Variants in XPR1 observed in about 807,000 individuals in gnomAD.
The protein encoded by XPR1 is xenotropic and polytropic retrovirus receptor 1.
A neutral mutation model predicts 87.5 loss-of-function variants in XPR1; 28 were observed. That is an observed-to-expected ratio of 0.32 (90% CI 0.24 to 0.44). XPR1 has a LOEUF of 0.44. XPR1 is among the 20% of genes least tolerant of loss of function. The pLI, the probability that XPR1 is intolerant of heterozygous loss-of-function variation, is 1.00. For synonymous variants in XPR1, 300 were observed against 306.1 expected, an observed-to-expected ratio of 0.98 and a Z score of 0.21; for missense variants, 559 against 862.3, an observed-to-expected ratio of 0.65 and a Z score of 4.41.
chr1:180,632,459 C>T (rs1654619567), intron 1 of XPR1, among the ~76,000 whole-genome samples, 189 bp downstream of exon 1: 1 of 152,062 alleles, frequency 6.6e-6, no homozygotes, highest in Non-Finnish European at 1.5e-5. Flanking sequence ...CTTCCCCTCC[C>T]CCGCAGCCCC....
intron 2 of XPR1, among the ~76,000 whole-genome samples, chr1:180,695,470 C>T (rs961475661): frequency 5.3e-5 from 8 of 150,758 alleles, no homozygotes; most frequent in Non-Finnish European, 1.2e-4. Flanking sequence ...GCTTTTGTTG[C>T]CTGCGCTTTT....
At chr1:180,672,328 T>C (rs183621522) in intron 1 of XPR1, among the ~76,000 whole-genome samples, 88 of 152,332 alleles carry the variant, frequency 5.8e-4, no homozygotes, top group Middle Eastern at 6.8e-3. Context: ...AATGCTTATA[T>C]ACTCTAGGCT....
At chr1:180,667,047 C>T (rs1655985020) in intron 1 of XPR1, among the ~76,000 whole-genome samples, 1 of 152,112 alleles carries the variant, frequency 6.6e-6, no homozygotes, top group Non-Finnish European at 1.5e-5. Flanking sequence ...TCCCGAGTTG[C>T]TGGAACTACA....
chr1:180,780,703 G>A (rs1334734590), intron 2 of XPR1, among the ~76,000 whole-genome samples: 1 of 149,288 alleles, frequency 6.7e-6, no homozygotes, highest in East Asian at 1.9e-4. Flanking sequence ...GGGAGGCGGA[G>A]CTTGCAGTGA....
At chr1:180,680,994 G>A (rs1443211183) in intron 1 of XPR1, among the ~76,000 whole-genome samples, 1 of 152,158 alleles carries the variant, frequency 6.6e-6, no homozygotes, top group Non-Finnish European at 1.5e-5. Context: ...CTCATATGTG[G>A]AACCTAAGAA....
In XPR1 at chr1:180,685,423, T is replaced by TTG. The variant is rs1309453721; in HGVS notation, c.121+3012_121+3013insTG. On this transcript the variant is annotated intron_variant, in intron 2 of 14. Coordinates refer to ENST00000367590, the MANE Select transcript of XPR1 (RefSeq NM_004736.4). ...TTGAGGATTTTTGCATCGATGTTCATGAAGGATATTGGTCTAAAATTCTCT... is the reference window on the plus strand; with the variant it reads ...TTGAGGATTTTTGCATCGATGTTCATTGGAAGGATATTGGTCTAAAATTCTCT... 4.0e-3 allele frequency among the ~76,000 whole-genome samples: 616 copies of TTG among 152,350 alleles called. 2 individuals carry two copies. The highest frequency in any genetic ancestry group is 7.5e-3 in the Admixed American group (114 of 15,298).
intron 9 of XPR1, among the ~76,000 whole-genome samples, chr1:180,829,096 T>G (rs1444650395): frequency 6.6e-6 from 1 of 152,096 alleles, no homozygotes; most frequent in Non-Finnish European, 1.5e-5. Context: ...CTTGGGAGGC[T>G]GAGGGAGGAG....
intron 7 of XPR1, among the ~76,000 whole-genome samples, chr1:180,811,919 T>C (rs149118560): frequency 1.1e-4 from 17 of 152,264 alleles, no homozygotes; most frequent in African/African-American, 4.1e-4. Flanking sequence ...TTGCATATAG[T>C]GTTAAGAAGC....
intron 10 of XPR1, among the ~76,000 whole-genome samples, chr1:180,835,583 A>G (rs1651255977): frequency 6.6e-6 from 1 of 152,174 alleles, no homozygotes; most frequent in Non-Finnish European, 1.5e-5. Flanking sequence ...AATATGTAAC[A>G]TGTGACTAAC....
Position 180,839,556 on chromosome 1 carries a change from A to G in XPR1, c.1501+2840A>G, listed in dbSNP as rs943612280. Among the ~76,000 whole-genome samples, 12 of 152,234 alleles carry G rather than the reference A, an allele frequency of 7.9e-5. No individual in the cohort carries two copies. The South Asian group carries it at 1.0e-3, about 13-fold the overall frequency. ...ATCTGAGCTATGGAAAATATCTGCA[A>G]TATACCTGTAGGTGAGGAAAAACTT... On this transcript the variant is annotated intron_variant, in intron 11 of 14. Transcript: ENST00000367590.
intron 2 of XPR1, among the ~76,000 whole-genome samples, chr1:180,686,699 A>G (rs559605458): frequency 9.2e-5 from 14 of 152,314 alleles, no homozygotes; most frequent in Admixed American, 3.3e-4. Context: ...GATGTACAGA[A>G]TAATACCTTT....
At chr1:180,812,262 A>T in intron 7 of XPR1, among the ~76,000 whole-genome samples, 1 of 152,162 alleles carries the variant, frequency 6.6e-6, no homozygotes, top group South Asian at 2.1e-4. Context: ...TGCTGGGCTC[A>T]ATCCTTCAAT....
intron 2 of XPR1, among the ~76,000 whole-genome samples, chr1:180,704,874 C>T (rs546375775): frequency 1.2e-4 from 14 of 117,290 alleles, no homozygotes; most frequent in Admixed American, 3.3e-4. Flanking sequence ...TCCTTTTAGA[C>T]ACCACATACT....
intron 2 of XPR1, among the ~76,000 whole-genome samples, chr1:180,708,938 G>T (rs1571749854): frequency 8.2e-6 from 1 of 121,570 alleles, no homozygotes; most frequent in East Asian, 2.5e-4. Context: ...GCGGGGACAA[G>T]TCTCGCTCTG....
At chr1:180,747,703 G>A (rs1490440001) in intron 2 of XPR1, among the ~76,000 whole-genome samples, 1 of 152,172 alleles carries the variant, frequency 6.6e-6, no homozygotes, top group Non-Finnish European at 1.5e-5. Context: ...CAATGAGACA[G>A]CACAGATATC....
intron 2 of XPR1, among the ~76,000 whole-genome samples, chr1:180,750,724 TTTC>T (rs1647499211): frequency 6.6e-6 from 1 of 152,088 alleles, no homozygotes; most frequent in Non-Finnish European, 1.5e-5. Flanking sequence ...TATTTTAACT[TTTC>T]TTAAATTTCC....
intron 14 of XPR1, among the ~76,000 whole-genome samples, chr1:180,883,126 C>CTT (rs10690260): frequency 0.3 from 26,240 of 86,982 alleles, 5,041 homozygotes; most frequent in Non-Finnish European, 0.37. Context: ...TCATACCTGG[C>CTT]TTTTTTTTTT....
At chr1:180,806,418 G>A (rs985848289) in intron 5 of XPR1, 56 bp from the exon 6 acceptor site, 1 of 1,566,906 alleles carries the variant, frequency 6.4e-7, no homozygotes, top group Non-Finnish European at 8.8e-7. Context: ...AGAATTATTT[G>A]TGCATCACTC....
intron 7 of XPR1, among the ~76,000 whole-genome samples, chr1:180,823,234 C>G (rs1268223360): frequency 7.4e-6 from 1 of 135,666 alleles, no homozygotes; most frequent in African/African-American, 2.6e-5. Context: ...GAGCAAGACT[C>G]CATCTCAAAA....
Sources: gnomAD v4.1 joint callset for allele counts (sites outside exome capture counted in the v4.1 genomes callset) on GRCh38, gnomAD v4.1.1 for gene constraint, MANE v1.5 for transcripts, NCBI Gene and HGNC (gene_info 2026-07-23, HGNC 2026-07-21) for gene names.